Variants in LRP1 observed in about 807,000 individuals in gnomAD.
LRP1 encodes the protein prolow-density lipoprotein receptor-related protein 1.
Under a neutral mutation model 541.5 loss-of-function variants are expected in LRP1, and 51 were observed. The observed-to-expected ratio is 0.09, with a 90% CI of 0.08 to 0.12. The LOEUF is 0.12. Among genes scored for constraint, LRP1 ranks in the 10% least tolerant of loss-of-function variants. The pLI is 1.00. For synonymous variants in LRP1, 2,219 were observed against 2,470.8 expected, an observed-to-expected ratio of 0.90 and a Z score of 3.02; for missense variants, 3,878 against 6,376.2, an observed-to-expected ratio of 0.61 and a Z score of 13.34.
Position 57,195,286 on chromosome 12 carries a change from G to A in LRP1, c.8324G>A (p.Gly2775Asp), listed in dbSNP as rs773040438. The A allele has an allele frequency of 6.2e-7, 1 of 1,613,896 alleles. No individual in the cohort carries two copies. The highest frequency in any genetic ancestry group is 2.2e-5 in the East Asian group (1 of 44,888). Residue 2775 changes from glycine (G) to aspartate (D), a missense_variant, in exon 52 of 89, where the codon GGC (glycine) becomes GAC (aspartate). Gly to Asp is a moderately conservative substitution (Grantham distance 94). Transcript: ENST00000243077. ...CCCCCTACAGAAGGCAAGACGTGCG[G>A]CCCCTCCTCCTTCTCCTGCCCTGGC... ...EAAHCEGKTCGPSSFSCPGTH... is the reference protein window; with the variant it reads ...EAAHCEGKTCDPSSFSCPGTH...
Position 57,201,579 on chromosome 12 carries a change from C to A in LRP1, c.10428C>A (p.Asp3476Glu). 6.2e-7 allele frequency: 1 copy of A among 1,614,072 alleles called. No individual in the cohort carries two copies. The highest frequency in any genetic ancestry group is 8.5e-7 in the Non-Finnish European group (1 of 1,179,984). ...CCCGGGTCTGGGTCTGCGACCGGGA[C>A]AATGACTGTGTGGATGGCAGTGATG... The part of the protein sequence containing the change: ...CIPRVWVCDR[D>E]NDCVDGSDEP... The change falls in exon 66 of 89, where the codon GAC becomes GAA. Residue 3476 changes from aspartate (D) to glutamate (E), a missense_variant. Physicochemically the swap from Asp to Glu is conservative, Grantham distance 45. Around this residue, in one of 13 missense-constraint regions of LRP1, gnomAD observed 278 missense variants for 536.3 expected, o/e 0.52. Coordinates refer to ENST00000243077, the MANE Select transcript of LRP1 (RefSeq NM_002332.3). This position sits in a 1 kb window ranked among gnomAD's most constrained non-coding sequence, Gnocchi z 6.4.
At chr12:57,191,567 ACAAACACACACCC>A in intron 44 of LRP1, 55 bp downstream of exon 44, 1 of 1,476,906 alleles carries the variant, frequency 6.8e-7, no homozygotes, top group Non-Finnish European at 9.2e-7. Context: ...GCATGGACAT[ACAAACACACACCC>A]CACACACACA....
At position 57,211,663 on chromosome 12, in the gene LRP1, G is replaced by A. The variant is rs1015797136; in HGVS notation, c.13193+75G>A. ...CAGATTTGAGCAGGAGGACCGTCAG[G>A]CCTCAGTGCCCACCCCCCGCCCTGT... On this transcript the variant is annotated intron_variant, in intron 85 of 88. Coordinates refer to ENST00000243077, the MANE Select transcript of LRP1 (RefSeq NM_002332.3). This position sits in a 1 kb window ranked among gnomAD's most constrained non-coding sequence, Gnocchi z 4.3. 8 of 1,583,802 alleles carry A rather than the reference G, an allele frequency of 5.1e-6. No homozygotes were observed. The highest frequency in any genetic ancestry group is 6.9e-6 in the Non-Finnish European group (8 of 1,154,112).
intron 1 of LRP1, among the ~76,000 whole-genome samples, chr12:57,132,661 T>G (rs2035061546): frequency 6.6e-6 from 1 of 152,154 alleles, no homozygotes; most frequent in African/African-American, 2.4e-5. Context: ...CTGTCTTGGC[T>G]TTTTAGAACC....
chr12:57,211,391 C>T lies in LRP1; in HGVS notation c.13091+41C>T. On this transcript the variant is annotated intron_variant, in intron 84 of 88. Coordinates refer to ENST00000243077, the MANE Select transcript of LRP1 (RefSeq NM_002332.3). The surrounding 1 kb of genome is among the most constrained non-coding windows in gnomAD (Gnocchi z 4.3). Reference sequence around the variant, plus strand: ...CTCCACAGTTCCACCCAGCTGGGCCCCTGCCCTGTCCTAGCCCTGCCCTGC... The same window carrying T: ...CTCCACAGTTCCACCCAGCTGGGCCTCTGCCCTGTCCTAGCCCTGCCCTGC... 1 of 1,610,432 alleles carries T rather than the reference C, an allele frequency of 6.2e-7. No individual in the cohort carries two copies. Among genetic ancestry groups the T allele is most frequent in the Non-Finnish European group, 8.5e-7 (1 of 1,178,718 alleles).
At chr12:57,146,343 G>T (rs1470326045) in intron 6 of LRP1, 1 of 152,192 alleles carries the variant, frequency 6.6e-6, no homozygotes, top group Admixed American at 6.5e-5. Flanking sequence ...TAACTGTTTA[G>T]TAAACCAGAA....
intron 1 of LRP1, among the ~76,000 whole-genome samples, chr12:57,137,741 A>G (rs1451667426): frequency 4.6e-5 from 7 of 151,636 alleles, no homozygotes; most frequent in Admixed American, 2.0e-4. Context: ...GGTTGCGGTG[A>G]GCTGAGATTG....
Position 57,169,306 on chromosome 12 carries a change from G to C in LRP1, c.3162G>C (p.Gln1054His). 2 of 1,600,226 alleles carry C rather than the reference G, an allele frequency of 1.2e-6. No homozygotes were observed. Among genetic ancestry groups the C allele is most frequent in the Non-Finnish European group, 1.7e-6 (2 of 1,169,244 alleles). ...AGACACACGCCAACTGCACCAACCAGGGTGGGCACCAGGGGCCCGTGGGGT... is the reference window on the plus strand; with the variant it reads ...AGACACACGCCAACTGCACCAACCACGGTGGGCACCAGGGGCCCGTGGGGT... ...SDETHANCTNQATRPPGGCHT... is the reference protein window; with the variant it reads ...SDETHANCTNHATRPPGGCHT... Residue 1054 changes from glutamine to histidine, a missense_variant and splice_region_variant, in exon 20 of 89, where the codon CAG becomes CAC. By Grantham distance (24) the Gln-to-His change is conservative. Coordinates refer to ENST00000243077, the MANE Select transcript of LRP1 (RefSeq NM_002332.3).
intron 34 of LRP1, 43 bp downstream of exon 34, chr12:57,181,334 A>G (rs1565737579): frequency 1.3e-6 from 2 of 1,581,110 alleles, no homozygotes; most frequent in East Asian, 4.5e-5. Context: ...CAGCTCCCCA[A>G]CCCTGACCCC....
chr12:57,163,311 T>A (rs2035775379), intron 15 of LRP1, among the ~76,000 whole-genome samples: 1 of 152,182 alleles, frequency 6.6e-6, no homozygotes, highest in African/African-American at 2.4e-5. Context: ...AAATAATAAA[T>A]AGTTCCAAAT....
chr12:57,154,856 C>T lies in LRP1; in HGVS notation c.1227+155C>T. Reference sequence around the variant, plus strand: ...AGTGGGAGTGGGGTGGGCTTGAATACTGCAGAGAAAGGACAAGATACGGGT... The same window carrying T: ...AGTGGGAGTGGGGTGGGCTTGAATATTGCAGAGAAAGGACAAGATACGGGT... On this transcript the variant is annotated intron_variant, in intron 8 of 88. Coordinates refer to ENST00000243077, the MANE Select transcript of LRP1 (RefSeq NM_002332.3). This position sits in a 1 kb window ranked among gnomAD's most constrained non-coding sequence, Gnocchi z 4.6. The T allele has an allele frequency of 1.4e-6, 1 of 693,070 alleles. No homozygotes were observed. The highest frequency in any genetic ancestry group is 2.2e-5 in the Admixed American group (1 of 45,746). The allele number at this position is 693,070 out of a possible 1,614,324, so 42.9% of individuals were successfully genotyped here. A position where few individuals can be genotyped will look rare whatever the true frequency, so the allele number is the denominator to read the frequency against.
At chr12:57,192,003 CAT>C (rs2036418254) in intron 44 of LRP1, among the ~76,000 whole-genome samples, 1 of 115,160 alleles carries the variant, frequency 8.7e-6, no homozygotes. Context: ...ATAGGACACA[CAT>C]ACACATGCCA....
At chr12:57,182,481 C>T (rs1300638816) in intron 34 of LRP1, among the ~76,000 whole-genome samples, 4 of 146,990 alleles carry the variant, frequency 2.7e-5, no homozygotes, top group Non-Finnish European at 6.0e-5. Flanking sequence ...CCACTGAACT[C>T]CAGCCTGGGC....
chr12:57,154,787 TTC>T lies in LRP1; in HGVS notation c.1227+90_1227+91del. The stretch of plus-strand genomic sequence containing the variant: ...GGGGGAAGCCTCTGTAGGGGAACCG[TTC>T]TCTGAGTCTCCTGGTAAAGAGCGTG... On this transcript the variant is annotated intron_variant, in intron 8 of 88. Coordinates refer to ENST00000243077, the MANE Select transcript of LRP1 (RefSeq NM_002332.3). The surrounding 1 kb of genome is among the most constrained non-coding windows in gnomAD (Gnocchi z 4.6). 1 of 1,237,530 alleles carries T rather than the reference TTC, an allele frequency of 8.1e-7. No homozygotes were observed. The highest frequency in any genetic ancestry group is 1.2e-6 in the Non-Finnish European group (1 of 866,460). The allele number at this position is 1,237,530 out of a possible 1,614,324, so 76.7% of individuals were successfully genotyped here.
rs1289552492 is a variant in LRP1 at position 57,211,523 on chromosome 12, C to T, written c.13128C>T (p.Thr4376=). The change falls in exon 85 of 89, where the codon ACC becomes ACT. Residue 4376 remains threonine, a synonymous_variant. Transcript: ENST00000243077. The surrounding 1 kb of genome is among the most constrained non-coding windows in gnomAD (Gnocchi z 4.3). ...GCCGGGTGGCCCCCAGCTGTCTGAC[C>T]TGCGTCGGCCACTGCAGCAATGGCG... ...TDGRVAPSCL[T]CVGHCSNGGS... The T allele has an allele frequency of 1.2e-6, 2 of 1,613,954 alleles. No individual in the cohort carries two copies. Among genetic ancestry groups the T allele is most frequent in the African/African-American group, 1.3e-5 (1 of 74,950 alleles).
chr12:57,147,821 C>T (rs940280612), intron 6 of LRP1, among the ~76,000 whole-genome samples: 1 of 152,182 alleles, frequency 6.6e-6, no homozygotes, highest in Admixed American at 6.5e-5. Context: ...CCTGAGAGCC[C>T]CCGAGGGCCC....
chr12:57,161,147 T>A (rs778364660), intron 13 of LRP1, 32 bp downstream of exon 13: 3 of 1,599,152 alleles, frequency 1.9e-6, no homozygotes, highest in Non-Finnish European at 2.6e-6. Context: ...TGGGGGAATC[T>A]GTGTGTGTTG....
In LRP1 at chr12:57,156,463, G is replaced by A. The variant is rs2035622356; in HGVS notation, c.1417+180G>A. 6.6e-6 allele frequency among the ~76,000 whole-genome samples: 1 copy of A among 152,100 alleles called. No individual in the cohort carries two copies. Among genetic ancestry groups the A allele is most frequent in the Non-Finnish European group, 1.5e-5 (1 of 68,002 alleles). On this transcript the variant is annotated intron_variant, in intron 9 of 88. Coordinates refer to ENST00000243077, the MANE Select transcript of LRP1 (RefSeq NM_002332.3). The surrounding 1 kb of genome is among the most constrained non-coding windows in gnomAD (Gnocchi z 5.2). ...CCTGGCCCCTCAGCTTCCCCTGCCA[G>A]CCCCCATCCACCCACTCAGCCTCCA...
In LRP1 at chr12:57,212,531, CG is replaced by C; in HGVS notation, c.13612del (p.Glu4538ArgfsTer2). On this transcript the variant is annotated frameshift_variant, in exon 89 of 89. Transcript: ENST00000243077. LOFTEE classifies it high-confidence loss of function. This position sits in a 1 kb window ranked among gnomAD's most constrained non-coding sequence, Gnocchi z 5.0. Reference protein sequence around the residue: ...RELLGRGPEDEIGDPLA With the variant: ...RELLGRGPEDXIGDPLA The stretch of plus-strand genomic sequence containing the variant: ...AACTCCTGGGCCGGGGCCCTGAGGA[CG>C]AGATAGGGGACCCCTTGGCATAGGG... 1 of 1,612,272 alleles carries C rather than the reference CG, an allele frequency of 6.2e-7. No individual in the cohort carries two copies. The highest frequency in any genetic ancestry group is 8.5e-7 in the Non-Finnish European group (1 of 1,179,028).
Sources: gnomAD v4.1 joint callset for allele counts (sites outside exome capture counted in the v4.1 genomes callset) on GRCh38, gnomAD v4.1.1 for gene constraint, gnomAD v4.1.1 regional missense constraint, Gnocchi (gnomAD v3.1) non-coding constraint, MANE v1.5 for transcripts, NCBI Gene and HGNC (gene_info 2026-07-23, HGNC 2026-07-21) for gene names.